Variants in WWC2 observed in about 807,000 individuals in gnomAD.
WWC2 encodes the protein protein WWC2.
WWC2 carries 101 observed loss-of-function variants against 138.5 expected under a neutral mutation model. The observed-to-expected ratio is 0.73, with a 90% CI of 0.62 to 0.86. WWC2 has a LOEUF of 0.86. Ranked by LOEUF, WWC2 falls within the 40% of genes least tolerant of loss-of-function variation. The probability of loss-of-function intolerance (pLI) is 0.00; values close to 1 mark genes in which losing one functional copy is unlikely to be tolerated. For missense variants in WWC2, 1,420 were observed against 1,419.4 expected (o/e 1.00, Z -0.01); for synonymous variants, 558 against 538.4 (o/e 1.04, Z -0.50).
intron 1 of WWC2, among the ~76,000 whole-genome samples, chr4:183,141,506 C>G (rs1045833512): frequency 1.3e-5 from 2 of 152,160 alleles, no homozygotes; most frequent in African/African-American, 4.8e-5. Context: ...CCACAGCACC[C>G]TACTACCACC....
chr4:183,118,975 C>G (rs1732513095), intron 1 of WWC2, among the ~76,000 whole-genome samples: 1 of 151,556 alleles, frequency 6.6e-6, no homozygotes, highest in African/African-American at 2.4e-5. Context: ...TTACTTCATT[C>G]TTAAAGACTC....
intron 2 of WWC2, among the ~76,000 whole-genome samples, chr4:183,194,649 C>T (rs1220948136): frequency 1.3e-5 from 2 of 152,126 alleles, no homozygotes; most frequent in Non-Finnish European, 2.9e-5. Flanking sequence ...TGGCTTGCAG[C>T]TGCCCTTGTG....
chr4:183,262,392 CA>C (rs1179160289), intron 11 of WWC2, among the ~76,000 whole-genome samples: 1 of 152,212 alleles, frequency 6.6e-6, no homozygotes, highest in Non-Finnish European at 1.5e-5. Context: ...CCACACAAAA[CA>C]GGGCAGGGCT....
chr4:183,124,920 C>A (rs1732715102), intron 1 of WWC2, among the ~76,000 whole-genome samples: 1 of 152,138 alleles, frequency 6.6e-6, no homozygotes, highest in African/African-American at 2.4e-5. Context: ...CAGACTCCTC[C>A]ACAAAAGCGT....
At chr4:183,165,543 G>A (rs1052425226) in intron 1 of WWC2, among the ~76,000 whole-genome samples, 1 of 152,164 alleles carries the variant, frequency 6.6e-6, no homozygotes, top group Non-Finnish European at 1.5e-5. Flanking sequence ...GCAGTTTAAG[G>A]AATGGGTGTG....
intron 5 of WWC2, among the ~76,000 whole-genome samples, chr4:183,242,986 A>G (rs561538580): frequency 2.2e-4 from 34 of 152,316 alleles, no homozygotes; most frequent in African/African-American, 7.7e-4. Context: ...AAAGGAGGCA[A>G]AAGAAAAAGA....
intron 3 of WWC2, 118 bp downstream of exon 3, chr4:183,208,274 A>T (rs1399594818): frequency 9.0e-7 from 1 of 1,111,032 alleles, no homozygotes; most frequent in Non-Finnish European, 1.3e-6. Context: ...AAGCAGGAAG[A>T]GTCTCTCAAA....
chr4:183,250,813 A>G (rs762100639), intron 8 of WWC2, among the ~76,000 whole-genome samples: 1 of 152,210 alleles, frequency 6.6e-6, no homozygotes, highest in Admixed American at 6.5e-5. Context: ...ACAGGAATTT[A>G]TCATGTTTCT....
At position 183,118,967 on chromosome 4, in the gene WWC2, A is replaced by T. The variant is rs557208733; in HGVS notation, c.131+19345A>T. 2.0e-5 allele frequency among the ~76,000 whole-genome samples: 3 copies of T among 151,248 alleles called. No individual in the cohort carries two copies. The South Asian group carries it at 6.3e-4, about 32-fold the overall frequency. On this transcript the variant is annotated intron_variant, in intron 1 of 22. Coordinates refer to ENST00000403733, the MANE Select transcript of WWC2 (RefSeq NM_024949.6). ...TCTCATCCTCCCCTGACAACACTTTACTTCATTCTTAAAGACTCCTTTTGT... is the reference window on the plus strand; with the variant it reads ...TCTCATCCTCCCCTGACAACACTTTTCTTCATTCTTAAAGACTCCTTTTGT...
intron 1 of WWC2, among the ~76,000 whole-genome samples, chr4:183,180,084 C>A (rs1734582338): frequency 6.6e-6 from 1 of 152,104 alleles, no homozygotes; most frequent in Non-Finnish European, 1.5e-5. Flanking sequence ...TAGAAGAAGA[C>A]AACTGTTTAA....
rs921434711 is a variant in WWC2, at chr4:183,186,130, G to C, written c.132-7469G>C. The stretch of plus-strand genomic sequence containing the variant: ...TCCCAGCTAATTTTTTGTATTTTTA[G>C]TAGAGACAGGGTTTCACCATTCACA... On this transcript the variant is annotated intron_variant, in intron 1 of 22. Transcript: ENST00000403733. Among the ~76,000 whole-genome samples, 12 of 152,052 alleles carry C rather than the reference G, an allele frequency of 7.9e-5. No homozygotes were observed. The South Asian group carries it at 2.5e-3, about 32-fold the overall frequency.
At chr4:183,267,198 A>C (rs532835437) in intron 14 of WWC2, among the ~76,000 whole-genome samples, 1 of 152,080 alleles carries the variant, frequency 6.6e-6, no homozygotes, top group East Asian at 1.9e-4. Context: ...TCAAAGCTGG[A>C]GGTAGGATAG....
chr4:183,112,947 T>G (rs972841007), intron 1 of WWC2, among the ~76,000 whole-genome samples: 1 of 152,106 alleles, frequency 6.6e-6, no homozygotes, highest in Non-Finnish European at 1.5e-5. Context: ...AGTATGTGGC[T>G]ATTTAAATTT....
In WWC2 at chr4:183,282,863, C is replaced by T; in HGVS notation, c.2840C>T (p.Ala947Val). Residue 947 changes from alanine to valine, a missense_variant, in exon 18 of 23, where the codon GCC (alanine) becomes GTC (valine). Ala to Val is a moderately conservative substitution (Grantham distance 64). Coordinates refer to ENST00000403733, the MANE Select transcript of WWC2 (RefSeq NM_024949.6). ...GGGAACAGGAAAGAAAGCAACTGTG[C>T]CAAAGACCTCAGAAGTCAGCCACCT... is the stretch of plus-strand genomic sequence containing the variant. ...EDGNRKESNCAKDLRSQPPTR... is the reference protein window; with the variant it reads ...EDGNRKESNCVKDLRSQPPTR... The T allele has an allele frequency of 6.3e-7, 1 of 1,591,302 alleles. No individual in the cohort carries two copies. The highest frequency in any genetic ancestry group is 1.1e-5 in the South Asian group (1 of 86,986).
chr4:183,199,196 T>G (rs1460417928), intron 2 of WWC2, among the ~76,000 whole-genome samples: 1 of 152,144 alleles, frequency 6.6e-6, no homozygotes, highest in Non-Finnish European at 1.5e-5. Flanking sequence ...AGGAAAGACA[T>G]GCAGGAAATT....
rs144401665 is a variant in WWC2 at position 183,107,297 on chromosome 4, G to A, written c.131+7675G>A. Reference sequence around the variant, plus strand: ...CCACCTCAGCCTCCTGAGTAGCTGGGATTATAGGCACAAGCCACCATGCCT... The same window carrying A: ...CCACCTCAGCCTCCTGAGTAGCTGGAATTATAGGCACAAGCCACCATGCCT... On this transcript the variant is annotated intron_variant, in intron 1 of 22. Transcript: ENST00000403733. 3.1e-4 allele frequency among the ~76,000 whole-genome samples: 47 copies of A among 152,180 alleles called. No homozygotes were observed. The East Asian group carries it at 4.1e-3, about 13-fold the overall frequency.
chr4:183,255,562 C>T (rs1344527386), intron 9 of WWC2, among the ~76,000 whole-genome samples: 5 of 152,098 alleles, frequency 3.3e-5, no homozygotes, highest in South Asian at 2.1e-4. Flanking sequence ...TATAATCATA[C>T]GTGTCTAATG....
intron 21 of WWC2, among the ~76,000 whole-genome samples, chr4:183,290,131 AG>A (rs1336981216): frequency 6.6e-6 from 1 of 152,334 alleles, no homozygotes; most frequent in East Asian, 1.9e-4. Context: ...CTTATCTTAA[AG>A]AAAAATTACA....
Position 183,319,302 on chromosome 4 carries a change from A to T in WWC2, c.*3573A>T, listed in dbSNP as rs913641884. On this transcript the variant is annotated 3_prime_UTR_variant, in exon 23 of 23. Coordinates refer to ENST00000403733, the MANE Select transcript of WWC2 (RefSeq NM_024949.6). ...ATGTTTTATTTACCACTTCTGTGCA[A>T]TCGCTATTTTAAAATTGAGAAAACT... 2.2e-5 allele frequency: 9 copies of T among 417,730 alleles called. No individual in the cohort carries two copies. The East Asian group carries it at 3.7e-4, about 17-fold the overall frequency. The allele number at this position is 417,730 out of a possible 1,614,324, so 25.9% of individuals were successfully genotyped here. A position where few individuals can be genotyped will look rare whatever the true frequency, so the allele number is the denominator to read the frequency against.
Sources: allele counts gnomAD v4.1 joint callset (sites outside exome capture counted in the v4.1 genomes callset), GRCh38; gene constraint gnomAD v4.1.1; transcripts MANE v1.5; gene names NCBI Gene and HGNC (gene_info 2026-07-23, HGNC 2026-07-21).